The following FGF14 variants were observed in gnomAD, a reference collection of about 807,000 sequenced individuals.
FGF14 encodes fibroblast growth factor 14, also known as fibroblast growth factor homologous factor 4.
A neutral mutation model predicts 25.5 loss-of-function variants in FGF14; 5 were observed. That is an observed-to-expected ratio of 0.20 (90% CI 0.10 to 0.41). The LOEUF is 0.41. Ranked by LOEUF, FGF14 falls within the 10% of genes least tolerant of loss-of-function variation. The pLI is 1.00. For missense variants in FGF14, 222 were observed against 320.1 expected (o/e 0.69, Z 2.34); for synonymous variants, 138 against 118.3 (o/e 1.17, Z -1.08).
chr13:101,887,200 A>G (rs2046033361), intron 1 of FGF14, among the ~76,000 whole-genome samples: 1 of 151,772 alleles, frequency 6.6e-6, no homozygotes, highest in African/African-American at 2.4e-5. Flanking sequence ...TGGGTATATG[A>G]AAAAAAAGTC....
chr13:102,184,702 T>G, intron 1 of FGF14, among the ~76,000 whole-genome samples: 1 of 151,958 alleles, frequency 6.6e-6, no homozygotes, highest in East Asian at 1.9e-4. Context: ...TCCGTGTAGA[T>G]GAGGGCACAG....
chr13:102,125,999 T>C (rs2045933446), intron 1 of FGF14, among the ~76,000 whole-genome samples: 1 of 152,146 alleles, frequency 6.6e-6, no homozygotes, highest in African/African-American at 2.4e-5. Context: ...AGCTCTTCTC[T>C]CTCAATTCCC....
chr13:102,092,688 TAAC>T (rs1310381650), intron 1 of FGF14, among the ~76,000 whole-genome samples: 2 of 152,160 alleles, frequency 1.3e-5, no homozygotes, highest in African/African-American at 2.4e-5. Context: ...GTACAGGTAA[TAAC>T]AATAGTAATA....
intron 1 of FGF14, among the ~76,000 whole-genome samples, chr13:102,347,174 A>G (rs1432306737): frequency 1.3e-5 from 2 of 152,156 alleles, no homozygotes; most frequent in Non-Finnish European, 2.9e-5. Context: ...CCAGAAGTGG[A>G]CAGGAGAAGC....
chr13:102,042,712 G>A (rs1566611117), intron 1 of FGF14, among the ~76,000 whole-genome samples: 2 of 152,126 alleles, frequency 1.3e-5, no homozygotes, highest in East Asian at 1.9e-4. Flanking sequence ...TCTAATATTA[G>A]TGATGTGCCA....
chr13:101,744,873 G>C (rs1207158517), intron 3 of FGF14, among the ~76,000 whole-genome samples: 2 of 151,880 alleles, frequency 1.3e-5, no homozygotes, highest in Non-Finnish European at 2.9e-5. Context: ...AGGTGTTTGG[G>C]GTTCATGAAT....
chr13:101,928,323 T>A (rs1470193227), intron 1 of FGF14, among the ~76,000 whole-genome samples: 1 of 152,228 alleles, frequency 6.6e-6, no homozygotes, highest in Non-Finnish European at 1.5e-5. Flanking sequence ...GACCATTTTT[T>A]ATTCAAATCA....
At chr13:101,906,306 C>T (rs2032236851) in intron 1 of FGF14, among the ~76,000 whole-genome samples, 1 of 152,060 alleles carries the variant, frequency 6.6e-6, no homozygotes, top group South Asian at 2.1e-4. Flanking sequence ...GTGCTGGTGG[C>T]ATTTACTTAT....
intron 3 of FGF14, among the ~76,000 whole-genome samples, chr13:101,866,025 C>G (rs950572898): frequency 4.6e-5 from 7 of 151,920 alleles, no homozygotes; most frequent in Non-Finnish European, 1.0e-4. Flanking sequence ...GTTGGGTTAA[C>G]AACGTTTGTC....
chr13:102,013,312 T>A (rs2040176906), intron 1 of FGF14, among the ~76,000 whole-genome samples: 1 of 152,188 alleles, frequency 6.6e-6, no homozygotes, highest in African/African-American at 2.4e-5. Context: ...AAATTTAATT[T>A]AAAAATTGGA....
chr13:101,724,958 C>A (rs967056310), intron 4 of FGF14, among the ~76,000 whole-genome samples: 2 of 151,832 alleles, frequency 1.3e-5, no homozygotes, highest in Non-Finnish European at 2.9e-5. Context: ...TATACCACAT[C>A]ATTGTTGTCT....
intron 1 of FGF14, among the ~76,000 whole-genome samples, chr13:102,036,523 A>C (rs2041481303): frequency 6.6e-6 from 1 of 152,138 alleles, no homozygotes; most frequent in Non-Finnish European, 1.5e-5. Flanking sequence ...GGTGAGCAGA[A>C]ACAATTTTCC....
chr13:101,858,389 T>A (rs965166787), intron 3 of FGF14, among the ~76,000 whole-genome samples: 2 of 152,086 alleles, frequency 1.3e-5, no homozygotes, highest in African/African-American at 4.8e-5. Flanking sequence ...AATGTTACAG[T>A]TGATTTGTCA....
chr13:101,943,610 C>G (rs2035589414), intron 1 of FGF14, among the ~76,000 whole-genome samples: 1 of 152,104 alleles, frequency 6.6e-6, no homozygotes, highest in African/African-American at 2.4e-5. Context: ...AACCCCGACT[C>G]TGCCACTTAC....
At chr13:102,279,840 C>A (rs1388690221) in intron 1 of FGF14, among the ~76,000 whole-genome samples, 1 of 152,174 alleles carries the variant, frequency 6.6e-6, no homozygotes, top group African/African-American at 2.4e-5. Context: ...TACATCTAGG[C>A]TCCCCTGGAA....
In FGF14 at chr13:101,720,665, G is replaced by A. The variant is rs2034915288; in HGVS notation, c.*2166C>T. 6.6e-6 allele frequency: 1 copy of A among 151,792 alleles called. No homozygotes were observed. The highest frequency in any genetic ancestry group is 1.5e-5 in the Non-Finnish European group (1 of 67,974). 9.4% of individuals were successfully genotyped at this position (151,792 alleles called of 1,614,324 possible). A position where few individuals can be genotyped will look rare whatever the true frequency, so the allele number is the denominator to read the frequency against. ...AGTTAGTTAATTACTCATATAGTTG[G>A]CCACATATTATGGGATCTATGTTTT... is the stretch of plus-strand genomic sequence containing the variant. On this transcript the variant is annotated 3_prime_UTR_variant, in exon 5 of 5. Transcript: ENST00000376143.
At chr13:101,927,352 A>C (rs1013957677) in intron 1 of FGF14, among the ~76,000 whole-genome samples, 1 of 152,222 alleles carries the variant, frequency 6.6e-6, no homozygotes, top group African/African-American at 2.4e-5. Context: ...ATTTTTCCCC[A>C]AGACACCTAA....
intron 1 of FGF14, among the ~76,000 whole-genome samples, chr13:101,902,326 GTCTA>G (rs1450742248): frequency 1.3e-5 from 2 of 151,626 alleles, no homozygotes; most frequent in African/African-American, 2.4e-5. Context: ...CTTTTCTTGT[GTCTA>G]TCTAAGGTTC....
chr13:102,347,102 A>G (rs532433218), intron 1 of FGF14, among the ~76,000 whole-genome samples: 1 of 152,334 alleles, frequency 6.6e-6, no homozygotes, highest in African/African-American at 2.4e-5. Context: ...ATACATGGTG[A>G]GATGCATGAC....
Sources: gnomAD v4.1 joint callset for allele counts (sites outside exome capture counted in the v4.1 genomes callset) on GRCh38, gnomAD v4.1.1 for gene constraint, MANE v1.5 for transcripts, NCBI Gene and HGNC (gene_info 2026-07-23, HGNC 2026-07-21) for gene names.